PCSK2: variants seen among roughly 807,000 people sequenced by gnomAD.
The protein encoded by PCSK2 is proprotein convertase subtilisin/kexin type 2.
In PCSK2, 14 loss-of-function variants were observed where a neutral mutation model predicts 69.7. That is an observed-to-expected ratio of 0.20 (90% CI 0.13 to 0.31). PCSK2 has a LOEUF of 0.31. PCSK2 is among the 10% of genes least tolerant of loss of function. The pLI, the probability that PCSK2 is intolerant of heterozygous loss-of-function variation, is 1.00. For synonymous variants in PCSK2, 307 were observed against 320.7 expected, an observed-to-expected ratio of 0.96 and a Z score of 0.46; for missense variants, 544 against 842.5, an observed-to-expected ratio of 0.65 and a Z score of 4.39.
intron 2 of PCSK2, among the ~76,000 whole-genome samples, chr20:17,323,012 A>T (rs761132087): frequency 2.6e-5 from 4 of 152,102 alleles, no homozygotes; most frequent in Non-Finnish European, 4.4e-5. Flanking sequence ...TTACAGGTGC[A>T]TGCCACCACG....
At chr20:17,322,873 T>C (rs1268990247) in intron 2 of PCSK2, among the ~76,000 whole-genome samples, 2 of 152,196 alleles carry the variant, frequency 1.3e-5, no homozygotes, top group African/African-American at 4.8e-5. Context: ...TGTTTTGTTT[T>C]GTTTTTCTTG....
At chr20:17,451,676 G>A (rs1320278016) in intron 8 of PCSK2, among the ~76,000 whole-genome samples, 1 of 152,206 alleles carries the variant, frequency 6.6e-6, no homozygotes, top group Non-Finnish European at 1.5e-5. Flanking sequence ...CTTGATGGAT[G>A]GGGCTGCAAA....
intron 5 of PCSK2, among the ~76,000 whole-genome samples, chr20:17,398,656 C>T (rs1305687747): frequency 6.6e-6 from 1 of 151,652 alleles, no homozygotes; most frequent in Non-Finnish European, 1.5e-5. Flanking sequence ...CACAAGAAGG[C>T]TAGGATATGA....
intron 5 of PCSK2, among the ~76,000 whole-genome samples, chr20:17,402,103 G>A (rs560294027): frequency 6.6e-6 from 1 of 152,300 alleles, no homozygotes; most frequent in South Asian, 2.1e-4. Context: ...ACCCTCCGGA[G>A]GTGTCTGCCT....
In PCSK2 at chr20:17,227,575, C is replaced by G. The variant is rs1227706546; in HGVS notation, c.177+93C>G. On this transcript the variant is annotated intron_variant, in intron 1 of 11. Coordinates refer to ENST00000262545, the MANE Select transcript of PCSK2 (RefSeq NM_002594.5). ...CTCATTGCAGATTTGCAAGTTTTCT[C>G]TCTTTCTCATGCGATGCAGATATTC... 1.2e-5 allele frequency: 11 copies of G among 934,960 alleles called. No homozygotes were observed. In the Admixed American group the frequency reaches 2.1e-4, roughly 18 times the overall value. 57.9% of individuals were successfully genotyped at this position (934,960 alleles called of 1,614,324 possible). A position where few individuals can be genotyped will look rare whatever the true frequency, so the allele number is the denominator to read the frequency against.
intron 2 of PCSK2, among the ~76,000 whole-genome samples, chr20:17,282,344 G>T (rs2123048245): frequency 6.6e-6 from 1 of 152,218 alleles, no homozygotes; most frequent in African/African-American, 2.4e-5. Context: ...GTTCAAAGAA[G>T]GGAGAAGACA....
chr20:17,411,184 A>G (rs1338265770), intron 6 of PCSK2, among the ~76,000 whole-genome samples: 2 of 152,174 alleles, frequency 1.3e-5, no homozygotes, highest in Admixed American at 1.3e-4. Flanking sequence ...AAGATGGGCA[A>G]TTTCTGCATT....
At chr20:17,275,113 AATGT>A in intron 2 of PCSK2, among the ~76,000 whole-genome samples, 1 of 134,868 alleles carries the variant, frequency 7.4e-6, no homozygotes, top group South Asian at 2.4e-4. Flanking sequence ...ATATATATAT[AATGT>A]TGGGCGACTA....
intron 11 of PCSK2, among the ~76,000 whole-genome samples, chr20:17,478,718 T>C (rs950494520): frequency 6.6e-6 from 1 of 152,234 alleles, no homozygotes; most frequent in African/African-American, 2.4e-5. Flanking sequence ...TTTGTTCATA[T>C]ATTTATTCCT....
At chr20:17,295,517 AT>A (rs1465196056) in intron 2 of PCSK2, among the ~76,000 whole-genome samples, 3 of 142,498 alleles carry the variant, frequency 2.1e-5, no homozygotes, top group Non-Finnish European at 4.5e-5. Flanking sequence ...TTGTATATTT[AT>A]TTTTATATAT....
Position 17,481,585 on chromosome 20 carries a change from A to C in PCSK2, c.1432A>C (p.Lys478Gln). 2 of 1,613,508 alleles carry C rather than the reference A, an allele frequency of 1.2e-6. No individual in the cohort carries two copies. Among genetic ancestry groups the C allele is most frequent in the Non-Finnish European group, 1.7e-6 (2 of 1,179,698 alleles). The part of the protein sequence containing the change: ...CVGGSVQDPE[K>Q]IPSTGKLVLT... Reference sequence around the variant, plus strand: ...ATCTCCTCTTCACTCTGCCCTCAGGAAAATACCATCCACTGGCAAGTTGGT... The same window carrying C: ...ATCTCCTCTTCACTCTGCCCTCAGGCAAATACCATCCACTGGCAAGTTGGT... The change falls in exon 12 of 12, where the codon AAA (lysine) becomes CAA (glutamine). Residue 478 changes from lysine (K) to glutamine (Q), a missense_variant and splice_region_variant. By Grantham distance (53) the Lys-to-Gln change is moderately conservative (BLOSUM62 1). This residue lies in a region of PCSK2 where 200 missense variants were observed against 287.8 expected (regional missense o/e 0.69). Transcript: ENST00000262545.
At chr20:17,308,493 C>T (rs547224767) in intron 2 of PCSK2, among the ~76,000 whole-genome samples, 9 of 152,100 alleles carry the variant, frequency 5.9e-5, no homozygotes, top group East Asian at 1.9e-4. Flanking sequence ...GCAAAGGTCC[C>T]GAGGACAGAA....
chr20:17,353,461 C>T (rs1223941563), intron 2 of PCSK2, among the ~76,000 whole-genome samples: 1 of 30,954 alleles, frequency 3.2e-5, no homozygotes, highest in Non-Finnish European at 8.9e-5. Flanking sequence ...AAGACTCCAT[C>T]ACACAAAAAA....
chr20:17,354,395 G>A (rs2030123810), intron 2 of PCSK2, among the ~76,000 whole-genome samples: 6 of 152,168 alleles, frequency 3.9e-5, no homozygotes, highest in Admixed American at 3.3e-4. Context: ...TATAGTGTAT[G>A]GAAGGCTAAA....
intron 4 of PCSK2, among the ~76,000 whole-genome samples, chr20:17,367,115 T>A (rs2030617410): frequency 6.6e-6 from 1 of 151,648 alleles, no homozygotes; most frequent in Admixed American, 6.6e-5. Flanking sequence ...ATAAATTATA[T>A]TTTTGATCAT....
chr20:17,349,027 T>C (rs1480490199), intron 2 of PCSK2, among the ~76,000 whole-genome samples: 1 of 152,172 alleles, frequency 6.6e-6, no homozygotes, highest in Non-Finnish European at 1.5e-5. Flanking sequence ...CTCATGTGGT[T>C]GTCGGGGAAA....
intron 5 of PCSK2, among the ~76,000 whole-genome samples, chr20:17,396,136 C>A (rs2031506023): frequency 6.6e-6 from 1 of 152,196 alleles, no homozygotes; most frequent in Admixed American, 6.5e-5. Flanking sequence ...ATCACCTTGA[C>A]AACACAAATT....
At chr20:17,259,123 C>T (rs1484787719) in intron 1 of PCSK2, among the ~76,000 whole-genome samples, 1 of 152,012 alleles carries the variant, frequency 6.6e-6, no homozygotes, top group East Asian at 1.9e-4. Context: ...TCAAATCAAC[C>T]ACATCTGCTT....
chr20:17,326,551 CAG>C (rs1189509976), intron 2 of PCSK2, among the ~76,000 whole-genome samples: 1 of 152,164 alleles, frequency 6.6e-6, no homozygotes, highest in Non-Finnish European at 1.5e-5. Context: ...ATGTTAATAA[CAG>C]GGGAAATTGG....
Sources: allele counts gnomAD v4.1 joint callset (sites outside exome capture counted in the v4.1 genomes callset), GRCh38; gene constraint gnomAD v4.1.1; regional missense constraint gnomAD v4.1.1; transcripts MANE v1.5; gene names NCBI Gene and HGNC (gene_info 2026-07-23, HGNC 2026-07-21).